Variants in ZNF681 observed in about 807,000 individuals in gnomAD.
ZNF681 encodes zinc finger protein 681, also known as hypothetical protein FLJ31526.
ZNF681 carries 37 observed loss-of-function variants against 56.0 expected under a neutral mutation model. That is an observed-to-expected ratio of 0.66 (90% CI 0.51 to 0.87). ZNF681 has a LOEUF of 0.87. ZNF681 is among the 40% of genes least tolerant of loss of function. ZNF681 has a pLI of 0.00. For synonymous variants in ZNF681, 225 were observed against 248.6 expected, an observed-to-expected ratio of 0.91 and a Z score of 0.89; for missense variants, 741 against 744.9, an observed-to-expected ratio of 0.99 and a Z score of 0.06.
In ZNF681 at chr19:23,757,119, C is replaced by T. The variant is rs535506620; in HGVS notation, c.4-1568G>A. ...GCCAGGCTGGTCTCAAACTCCTCAC[C>T]TCGTGATCCACTTACCTGAGCCTCC... On this transcript the variant is annotated intron_variant, in intron 1 of 3. Transcript: ENST00000402377. Among the ~76,000 whole-genome samples the T allele has an allele frequency of 2.4e-3, 365 of 152,154 alleles. 2 individuals are homozygous for T. The highest frequency in any genetic ancestry group is 6.8e-3 in the Middle Eastern group (2 of 294).
intron 1 of ZNF681, among the ~76,000 whole-genome samples, chr19:23,758,061 T>C (rs776721032): frequency 1.3e-5 from 2 of 152,202 alleles, no homozygotes; most frequent in Non-Finnish European, 2.9e-5. Flanking sequence ...TCCCTTCAGG[T>C]GATGACATCG....
At position 23,755,529 on chromosome 19, in the gene ZNF681, A is replaced by G. The variant is rs1969100587; in HGVS notation, c.26T>C (p.Val9Ala). 4 of 1,607,242 alleles carry G rather than the reference A, an allele frequency of 2.5e-6. No homozygotes were observed. The highest frequency in any genetic ancestry group is 1.7e-5 in the Admixed American group (1 of 59,510). Residue 9 changes from valine (V) to alanine (A), a missense_variant, in exon 2 of 4, where the codon GTG becomes GCG. By Grantham distance (64) the Val-to-Ala change is moderately conservative (BLOSUM62 0). Transcript: ENST00000402377. MEPLKFRD[V>A]AIEFSLEEWQ... ...CTCCTCCAGAGAGAATTCTATGGCC[A>G]CATCCCTAAATTTCAATGGTTCCTG...
In ZNF681 at chr19:23,758,848, G is replaced by C; in HGVS notation, c.-99C>G. The stretch of plus-strand genomic sequence containing the variant: ...TGGGCCTCTAGAAGAAGAGGACACA[G>C]AGCAGTGAAGACGAGACCCGGAGCT... On this transcript the variant is annotated 5_prime_UTR_variant, in exon 1 of 4. Transcript: ENST00000402377. 1.9e-6 allele frequency: 3 copies of C among 1,545,198 alleles called. No individual in the cohort carries two copies. The highest frequency in any genetic ancestry group is 1.8e-6 in the Non-Finnish European group (2 of 1,128,884).
rs1969169072 is a variant in ZNF681 at position 23,758,889 on chromosome 19, G to A, written c.-140C>T. 1 of 1,184,530 alleles carries A rather than the reference G, an allele frequency of 8.4e-7. No individual in the cohort carries two copies. The highest frequency in any genetic ancestry group is 1.2e-6 in the Non-Finnish European group (1 of 826,832). The allele number at this position is 1,184,530 out of a possible 1,614,324, so 73.4% of individuals were successfully genotyped here. Reference sequence around the variant, plus strand: ...ACCCGGAGCTCGGGCTGAAGGGAGAGACAAAGGCCCCGCCAATCCCGGAAG... The same window carrying A: ...ACCCGGAGCTCGGGCTGAAGGGAGAAACAAAGGCCCCGCCAATCCCGGAAG... On this transcript the variant is annotated 5_prime_UTR_variant, in exon 1 of 4. Transcript: ENST00000402377.
chr19:23,741,821 T>C lies in ZNF681; in HGVS notation c.*1791A>G, dbSNP rs796536256. On this transcript the variant is annotated 3_prime_UTR_variant, in exon 4 of 4. Coordinates refer to ENST00000402377, the MANE Select transcript of ZNF681 (RefSeq NM_138286.3). Reference sequence around the variant, plus strand: ...CATTTACCCATATGTAATTATTACATATTATATACCTGTATCAAAATATGC... The same window carrying C: ...CATTTACCCATATGTAATTATTACACATTATATACCTGTATCAAAATATGC... 8.5e-5 allele frequency: 13 copies of C among 152,154 alleles called. No individual in the cohort carries two copies. Among genetic ancestry groups the C allele is most frequent in the African/African-American group, 3.1e-4 (13 of 41,432 alleles). The allele number at this position is 152,154 out of a possible 1,614,324, so 9.4% of individuals were successfully genotyped here.
rs1335366385 is a variant in ZNF681 at position 23,755,486 on chromosome 19, A to G, written c.69T>C (p.Thr23=). The change falls in exon 2 of 4, where the codon ACT becomes ACC. Residue 23 remains threonine, a synonymous_variant. Coordinates refer to ENST00000402377, the MANE Select transcript of ZNF681 (RefSeq NM_138286.3). ...FSLEEWQCLD[T]IQQNLYRNVM... ...CATTCCTATATAAATTCTGCTGTAT[A>G]GTGTCCAGGCATTGCCACTCCTCCA... The G allele has an allele frequency of 1.2e-6, 2 of 1,610,384 alleles. No homozygotes were observed. The highest frequency in any genetic ancestry group is 1.7e-6 in the Non-Finnish European group (2 of 1,178,050).
chr19:23,749,991 A>T (rs1373406083), intron 3 of ZNF681, among the ~76,000 whole-genome samples: 1 of 149,678 alleles, frequency 6.7e-6, no homozygotes, highest in Non-Finnish European at 1.5e-5. Flanking sequence ...TCAACTAAGA[A>T]AAAAAAAAAA....
intron 3 of ZNF681, among the ~76,000 whole-genome samples, chr19:23,746,504 G>T (rs1253304818): frequency 2.0e-5 from 3 of 152,056 alleles, no homozygotes; most frequent in East Asian, 1.9e-4. Context: ...GAGCAAGTGT[G>T]AAATAAAGAA....
At chr19:23,750,173 T>C (rs1326050616) in intron 3 of ZNF681, among the ~76,000 whole-genome samples, 1 of 150,930 alleles carries the variant, frequency 6.6e-6, no homozygotes, top group Non-Finnish European at 1.5e-5. Flanking sequence ...TAATCCCAGC[T>C]ACTCGGTGGC....
rs1968852373 is a variant in ZNF681 at position 23,739,472 on chromosome 19, T to C, written c.*4140A>G. 1 of 152,222 alleles carries C rather than the reference T, an allele frequency of 6.6e-6. No individual in the cohort carries two copies. Among genetic ancestry groups the C allele is most frequent in the Admixed American group, 6.5e-5 (1 of 15,278 alleles). The allele number at this position is 152,222 out of a possible 1,614,324, so 9.4% of individuals were successfully genotyped here. A position where few individuals can be genotyped will look rare whatever the true frequency, so the allele number is the denominator to read the frequency against. On this transcript the variant is annotated 3_prime_UTR_variant, in exon 4 of 4. Coordinates refer to ENST00000402377, the MANE Select transcript of ZNF681 (RefSeq NM_138286.3). ...TGTATTTCTGAAAAATGCTAAAACATTGTCATGTGCTCTTACCACAAAAAT... is the reference window on the plus strand; with the variant it reads ...TGTATTTCTGAAAAATGCTAAAACACTGTCATGTGCTCTTACCACAAAAAT...
At position 23,754,835 on chromosome 19, in the gene ZNF681, C is replaced by A; in HGVS notation, c.214G>T (p.Ala72Ser). 1 of 1,614,038 alleles carries A rather than the reference C, an allele frequency of 6.2e-7. No individual in the cohort carries two copies. Among genetic ancestry groups the A allele is most frequent in the Non-Finnish European group, 8.5e-7 (1 of 1,179,970 alleles). Residue 72 changes from alanine to serine, a missense_variant, in exon 3 of 4, where the codon GCC becomes TCC. Transcript: ENST00000402377. Reference sequence around the variant, plus strand: ...CACTCTCACCTACCTGGGGGTTCGGCCACCATCCTATGTCTCTTTCTAGTC... The same window carrying A: ...CACTCTCACCTACCTGGGGGTTCGGACACCATCCTATGTCTCTTTCTAGTC... ...PWTRKRHRMVAEPPVICSHFA... is the reference protein window; with the variant it reads ...PWTRKRHRMVSEPPVICSHFA...
At position 23,744,682 on chromosome 19, in the gene ZNF681, C is replaced by G. The variant is rs1483999761; in HGVS notation, c.868G>C (p.Ala290Pro). Residue 290 changes from alanine to proline, a missense_variant, in exon 4 of 4, where the codon GCC becomes CCC. Coordinates refer to ENST00000402377, the MANE Select transcript of ZNF681 (RefSeq NM_138286.3). ...NPYKREECDK[A>P]FNQSLTLTTH... is the part of the protein sequence containing the mutation. ...GTAAGGGTTAAGGACTGATTAAAGG[C>G]TTTGTCACATTCTTCACGTTTGTAG... 1.9e-6 allele frequency: 3 copies of G among 1,596,242 alleles called. No individual in the cohort carries two copies. Among genetic ancestry groups the G allele is most frequent in the Non-Finnish European group, 2.6e-6 (3 of 1,167,486 alleles).
chr19:23,744,043 C>A lies in ZNF681; in HGVS notation c.1507G>T (p.Glu503Ter). 2 of 1,613,048 alleles carry A rather than the reference C, an allele frequency of 1.2e-6. No homozygotes were observed. The highest frequency in any genetic ancestry group is 1.7e-6 in the Non-Finnish European group (2 of 1,179,786). The change falls in exon 4 of 4, where the codon GAG becomes TAG. Residue 503 changes from glutamate (E) to a stop codon, truncating the protein, a stop_gained. Transcript: ENST00000402377. LOFTEE classifies it high-confidence loss of function. ...LTTHKRIHTGEKSYKCEECGK... is the reference protein window; with the variant it reads ...LTTHKRIHTG ...CATTCTTCACATTTGTAGGATTTCT[C>A]TCCAGTATGAATTCTCTTATGTGTA...
chr19:23,747,004 G>C (rs1365698189), intron 3 of ZNF681, among the ~76,000 whole-genome samples: 2 of 152,126 alleles, frequency 1.3e-5, no homozygotes, highest in Non-Finnish European at 2.9e-5. Context: ...CATCTCTGTA[G>C]TTCCAGCTAG....
In ZNF681 at chr19:23,758,763, G is replaced by A. The variant is rs1174313713; in HGVS notation, c.-14C>T. 1.2e-6 allele frequency: 2 copies of A among 1,614,110 alleles called. No homozygotes were observed. The highest frequency in any genetic ancestry group is 1.7e-6 in the Non-Finnish European group (2 of 1,180,056). On this transcript the variant is annotated 5_prime_UTR_variant, in exon 1 of 4. Coordinates refer to ENST00000402377, the MANE Select transcript of ZNF681 (RefSeq NM_138286.3). ...CATTCTCACCATTTCTAGGTTTCCG[G>A]GGGACCTGGCGTCTTAGCTATGGAT...
chr19:23,752,732 C>T (rs1337572641), intron 3 of ZNF681, among the ~76,000 whole-genome samples: 1 of 151,832 alleles, frequency 6.6e-6, no homozygotes, highest in Non-Finnish European at 1.5e-5. Flanking sequence ...ATCTCATTAC[C>T]CTGGGGGCCC....
rs1968890273 is a variant in ZNF681, at chr19:23,742,944, A to T, written c.*668T>A. The T allele has an allele frequency of 6.6e-6, 1 of 152,202 alleles. No individual in the cohort carries two copies. Among genetic ancestry groups the T allele is most frequent in the African/African-American group, 2.4e-5 (1 of 41,454 alleles). 9.4% of individuals were successfully genotyped at this position (152,202 alleles called of 1,614,324 possible). On this transcript the variant is annotated 3_prime_UTR_variant, in exon 4 of 4. Transcript: ENST00000402377. The stretch of plus-strand genomic sequence containing the variant: ...ACTTTAGTTTTAGATTCTTTTCTAT[A>T]CTCAGCAATCTGATTTAGTGTAATG...
Position 23,744,828 on chromosome 19 carries a change from A to C in ZNF681, c.722T>G (p.Leu241Arg). The C allele has an allele frequency of 6.2e-7, 1 of 1,613,562 alleles. No individual in the cohort carries two copies. Among genetic ancestry groups the C allele is most frequent in the Non-Finnish European group, 8.5e-7 (1 of 1,179,818 alleles). Residue 241 changes from leucine to arginine, a missense_variant, in exon 4 of 4, where the codon CTT becomes CGT. Physicochemically the swap from Leu to Arg is moderately radical, Grantham distance 102. Transcript: ENST00000402377. ...CGKACNQFTN[L>R]TTHKIIYTRD... Reference sequence around the variant, plus strand: ...AGTATAAATTATCTTATGTGTAGTAAGGTTTGTGAACTGGTTACAGGCTTT... The same window carrying C: ...AGTATAAATTATCTTATGTGTAGTACGGTTTGTGAACTGGTTACAGGCTTT...
rs1008319936 is a variant in ZNF681 at position 23,743,173 on chromosome 19, T to C, written c.*439A>G. 2 of 152,574 alleles carry C rather than the reference T, an allele frequency of 1.3e-5. No individual in the cohort carries two copies. Among genetic ancestry groups the C allele is most frequent in the Non-Finnish European group, 2.9e-5 (2 of 68,288 alleles). 9.5% of individuals were successfully genotyped at this position (152,574 alleles called of 1,614,324 possible). On this transcript the variant is annotated 3_prime_UTR_variant, in exon 4 of 4. Transcript: ENST00000402377. ...GCAGGGTTTTTCTCCAATATAAATTTCCTTATGTTGCACAAAGTTTAAGCA... is the reference window on the plus strand; with the variant it reads ...GCAGGGTTTTTCTCCAATATAAATTCCCTTATGTTGCACAAAGTTTAAGCA...
Sources: gnomAD v4.1 joint callset for allele counts (sites outside exome capture counted in the v4.1 genomes callset) on GRCh38, gnomAD v4.1.1 for gene constraint, MANE v1.5 for transcripts, NCBI Gene and HGNC (gene_info 2026-07-23, HGNC 2026-07-21) for gene names.